Variants in DCC observed in about 807,000 individuals in gnomAD.
The protein encoded by DCC is netrin receptor DCC.
A neutral mutation model predicts 172.5 loss-of-function variants in DCC; 58 were observed. That is an observed-to-expected ratio of 0.34 (90% CI 0.27 to 0.42). The LOEUF is 0.42. Ranked by LOEUF, DCC falls within the 10% of genes least tolerant of loss-of-function variation. The pLI is 1.00. For synonymous variants in DCC, 709 were observed against 644.5 expected (o/e 1.10, Z -1.52); for missense variants, 1,740 against 1,791.0 (o/e 0.97, Z 0.51).
chr18:53,324,812 A>G (rs2057449700), intron 14 of DCC, among the ~76,000 whole-genome samples: 1 of 152,100 alleles, frequency 6.6e-6, no homozygotes, highest in Admixed American at 6.6e-5. Flanking sequence ...AATTTTATAG[A>G]TTTATGTTTT....
At chr18:53,513,347 G>A (rs547949381) in intron 27 of DCC, among the ~76,000 whole-genome samples, 109 of 152,230 alleles carry the variant, frequency 7.2e-4, no homozygotes, top group African/African-American at 2.2e-3. Flanking sequence ...GGTACCAGCC[G>A]CTGCAAAATT....
At chr18:52,689,345 G>T (rs1429749137) in intron 1 of DCC, among the ~76,000 whole-genome samples, 1 of 152,074 alleles carries the variant, frequency 6.6e-6, no homozygotes, top group African/African-American at 2.4e-5. Flanking sequence ...TTTCATTTTA[G>T]GTAGCCTTCA....
At chr18:52,862,330 G>C (rs2039156760) in intron 2 of DCC, among the ~76,000 whole-genome samples, 1 of 152,080 alleles carries the variant, frequency 6.6e-6, no homozygotes, top group Admixed American at 6.6e-5. Context: ...AATAAGGAAA[G>C]TTAAAAATAC....
intron 12 of DCC, among the ~76,000 whole-genome samples, chr18:53,226,934 G>GTGTATATATATA (rs34949557): frequency 5.9e-4 from 40 of 68,104 alleles, no homozygotes; most frequent in African/African-American, 1.2e-3. Context: ...GTGTGTGTGT[G>GTGTATATATATA]TATATATATA....
chr18:52,746,279 C>T (rs1348137864), intron 1 of DCC, among the ~76,000 whole-genome samples: 2 of 152,114 alleles, frequency 1.3e-5, no homozygotes, highest in Admixed American at 6.6e-5. Context: ...AAACTCTAAG[C>T]ACCCCAAAAT....
rs113549657 is a variant in DCC, at chr18:53,313,031, A to AG, written c.2053+7314dup. The stretch of plus-strand genomic sequence containing the variant: ...AAGGGAGGAAGAAAGGAAGGGAAGA[A>AG]GGAGGAAAGGGAAGAAGGGAGGGAA... On this transcript the variant is annotated intron_variant, in intron 13 of 28. Coordinates refer to ENST00000442544, the MANE Select transcript of DCC (RefSeq NM_005215.4). Among the ~76,000 whole-genome samples the AG allele has an allele frequency of 1.2e-3, 70 of 60,002 alleles. No homozygotes were observed. In the East Asian group the frequency reaches 0.019, roughly 16 times the overall value. 39.4% of individuals were successfully genotyped at this position (60,002 alleles called of 152,430 possible).
rs117376197 is a variant in DCC at position 52,739,856 on chromosome 18, A to G, written c.92-12198A>G. Among the ~76,000 whole-genome samples, 889 of 152,240 alleles carry G rather than the reference A, an allele frequency of 5.8e-3. 7 individuals carry two copies. The highest frequency in any genetic ancestry group is 0.01 in the Middle Eastern group (3 of 294). On this transcript the variant is annotated intron_variant, in intron 1 of 28. Transcript: ENST00000442544. ...ATTATAAAAACTGCTCTATTAATCT[A>G]CTTGGAATCATCTGGGGCTCTTTCT...
intron 6 of DCC, 125 bp from the exon 7 acceptor site, chr18:53,065,917 GACCC>G: frequency 9.3e-7 from 1 of 1,079,260 alleles, no homozygotes; most frequent in Non-Finnish European, 1.4e-6. Context: ...GCGAGGCTGA[GACCC>G]CTCATGGCCT....
chr18:52,963,428 C>G (rs1016354424), intron 5 of DCC, among the ~76,000 whole-genome samples: 4 of 151,982 alleles, frequency 2.6e-5, no homozygotes, highest in African/African-American at 9.7e-5. Flanking sequence ...AATGATACTT[C>G]TAAAGCAGAA....
intron 12 of DCC, among the ~76,000 whole-genome samples, chr18:53,284,020 C>A (rs940562176): frequency 2.0e-5 from 3 of 152,102 alleles, no homozygotes; most frequent in Non-Finnish European, 2.9e-5. Context: ...TGTGCTTGAG[C>A]AAATAAGCAT....
At chr18:52,388,592 C>A (rs920386434) in intron 1 of DCC, among the ~76,000 whole-genome samples, 1 of 151,112 alleles carries the variant, frequency 6.6e-6, no homozygotes. Flanking sequence ...AAAAAAAAAA[C>A]CTTTGCTAGG....
intron 7 of DCC, among the ~76,000 whole-genome samples, chr18:53,102,642 C>A (rs903357993): frequency 4.6e-5 from 7 of 152,120 alleles, no homozygotes; most frequent in African/African-American, 1.7e-4. Flanking sequence ...CAGACCACAT[C>A]TATTTTCCTG....
intron 17 of DCC, among the ~76,000 whole-genome samples, chr18:53,396,599 A>G (rs1908960245): frequency 6.6e-6 from 1 of 152,214 alleles, no homozygotes; most frequent in Non-Finnish European, 1.5e-5. Flanking sequence ...TGAAGTCTAC[A>G]CAAAGAATGA....
At chr18:53,363,872 TC>T (rs1490308749) in intron 15 of DCC, among the ~76,000 whole-genome samples, 8 of 152,042 alleles carry the variant, frequency 5.3e-5, no homozygotes. Context: ...TCACTGAGAG[TC>T]AGTGAGCAGA....
intron 2 of DCC, among the ~76,000 whole-genome samples, chr18:52,772,098 T>C (rs1404148813): frequency 6.6e-6 from 1 of 152,220 alleles, no homozygotes; most frequent in African/African-American, 2.4e-5. Context: ...CTTACTAGAG[T>C]TGAATCATTT....
chr18:53,304,911 C>T (rs2057181455), intron 12 of DCC, among the ~76,000 whole-genome samples: 1 of 152,150 alleles, frequency 6.6e-6, no homozygotes, highest in African/African-American at 2.4e-5. Context: ...TCCCATAATT[C>T]CTACCTGTCA....
At chr18:53,503,005 T>A (rs1169169903) in intron 27 of DCC, among the ~76,000 whole-genome samples, 2 of 152,116 alleles carry the variant, frequency 1.3e-5, no homozygotes, top group Non-Finnish European at 2.9e-5. Context: ...ATGCTCTTCC[T>A]CCCTTCACCC....
intron 2 of DCC, among the ~76,000 whole-genome samples, chr18:52,771,234 A>T (rs2037337039): frequency 6.6e-6 from 1 of 152,168 alleles, no homozygotes; most frequent in Non-Finnish European, 1.5e-5. Context: ...GAAGGTGGAG[A>T]CCATATATTT....
At chr18:53,261,079 C>A (rs1035050959) in intron 12 of DCC, among the ~76,000 whole-genome samples, 1 of 152,088 alleles carries the variant, frequency 6.6e-6, no homozygotes, top group Non-Finnish European at 1.5e-5. Flanking sequence ...GGGAGTGACC[C>A]GATTTTCCAG....
Sources: allele counts gnomAD v4.1 joint callset (sites outside exome capture counted in the v4.1 genomes callset), GRCh38; gene constraint gnomAD v4.1.1; transcripts MANE v1.5; gene names NCBI Gene and HGNC (gene_info 2026-07-23, HGNC 2026-07-21).